PAQR3: variants seen among roughly 807,000 people sequenced by gnomAD.
The protein encoded by PAQR3 is Raf kinase trapping to Golgi.
In PAQR3, 39 loss-of-function variants were observed where a neutral mutation model predicts 41.7. The observed-to-expected ratio is 0.93, with a 90% CI of 0.72 to 1.22. PAQR3 has a LOEUF of 1.22. Ranked by LOEUF, PAQR3 falls within the 50% of genes most tolerant of loss-of-function variation. PAQR3 has a pLI of 0.00. For synonymous variants in PAQR3, 140 were observed against 140.6 expected, an observed-to-expected ratio of 1.00 and a Z score of 0.03; for missense variants, 366 against 385.6, an observed-to-expected ratio of 0.95 and a Z score of 0.42.
chr4:78,911,467 A>G (rs774071647), downstream of PAQR3: 1 of 1,614,060 alleles, frequency 6.2e-7, no homozygotes, highest in East Asian at 2.2e-5. Context: ...CAAACAGCGC[A>G]GCTTACAGAA....
chr4:78,905,631 G>A (rs570308401), intron 11 of PAQR3, among the ~76,000 whole-genome samples: 7 of 152,012 alleles, frequency 4.6e-5, no homozygotes, highest in Non-Finnish European at 8.8e-5. Flanking sequence ...TAAATATGGG[G>A]ATTATTAGGA....
intron 11 of PAQR3, among the ~76,000 whole-genome samples, chr4:78,905,269 C>T (rs1260031251): frequency 6.6e-6 from 1 of 151,864 alleles, no homozygotes; most frequent in Non-Finnish European, 1.5e-5. Flanking sequence ...CAGTAATTAA[C>T]ATGCAACTTC....
chr4:78,897,240 CAT>C (rs1376036788), intron 11 of PAQR3, among the ~76,000 whole-genome samples: 1 of 151,670 alleles, frequency 6.6e-6, no homozygotes, highest in African/African-American at 2.4e-5. Context: ...AAGAAAATAA[CAT>C]AACATCTTGG....
chr4:78,923,888 G>A lies in PAQR3; in HGVS notation c.762C>T (p.Tyr254=). Residue 254 remains tyrosine (Y), a synonymous_variant, in exon 5 of 6, where the codon TAC becomes TAT. Coordinates refer to ENST00000512733, the MANE Select transcript of PAQR3 (RefSeq NM_001040202.2). ...YMIALLAFLF[Y]ISKVPERYFP... ...AGTACCGCTCTGGGACTTTGGAAAT[G>A]TAGAATAGGAAAGCAAGAAGAGCAA... 1 of 1,613,196 alleles carries A rather than the reference G, an allele frequency of 6.2e-7. No homozygotes were observed. Among genetic ancestry groups the A allele is most frequent in the Non-Finnish European group, 8.5e-7 (1 of 1,179,302 alleles).
Position 78,912,383 on chromosome 4 carries a change from A to G in PAQR3, c.*8156T>C, listed in dbSNP as rs1176777334. The G allele has an allele frequency of 1.0e-5, 2 of 194,032 alleles. No individual in the cohort carries two copies. Among genetic ancestry groups the G allele is most frequent in the Non-Finnish European group, 2.1e-5 (2 of 95,662 alleles). The allele number at this position is 194,032 out of a possible 1,614,324, so 12.0% of individuals were successfully genotyped here. A position where few individuals can be genotyped will look rare whatever the true frequency, so the allele number is the denominator to read the frequency against. On this transcript the variant is annotated 3_prime_UTR_variant, in exon 6 of 6. Coordinates refer to ENST00000512733, the MANE Select transcript of PAQR3 (RefSeq NM_001040202.2). Reference sequence around the variant, plus strand: ...GTGAAACTGTTATTTTTGATATCAGAATGTCATTTTTATGTGCATATCCCT... The same window carrying G: ...GTGAAACTGTTATTTTTGATATCAGGATGTCATTTTTATGTGCATATCCCT...
At chr4:78,927,603 G>C (rs1270235764) in intron 3 of PAQR3, among the ~76,000 whole-genome samples, 1 of 152,246 alleles carries the variant, frequency 6.6e-6, no homozygotes, top group East Asian at 1.9e-4. Context: ...TTTTTGGCCT[G>C]AAAGGCCACA....
In PAQR3 at chr4:78,916,223, T is replaced by C. The variant is rs1039700558; in HGVS notation, c.*4316A>G. 16 of 151,986 alleles carry C rather than the reference T, an allele frequency of 1.1e-4. No homozygotes were observed. The highest frequency in any genetic ancestry group is 3.6e-4 in the African/African-American group (15 of 41,438). 9.4% of individuals were successfully genotyped at this position (151,986 alleles called of 1,614,324 possible). ...TATTACTTTATTGCCTTTACACTGC[T>C]TATTCTTTTTGACTGAATTCTGTCC... On this transcript the variant is annotated 3_prime_UTR_variant, in exon 6 of 6. Transcript: ENST00000512733.
chr4:78,900,465 A>C (rs188133754), intron 11 of PAQR3, among the ~76,000 whole-genome samples: 10 of 152,334 alleles, frequency 6.6e-5, no homozygotes, highest in African/African-American at 2.2e-4. Context: ...TGGAGAGATA[A>C]AGTCAGTAGC....
At chr4:78,921,675 A>G (rs1405492373) in intron 5 of PAQR3, 1 of 984,852 alleles carries the variant, frequency 1.0e-6, no homozygotes, top group Non-Finnish European at 1.2e-6. Context: ...TGTGTTGTGT[A>G]TACATTTTTA....
rs564447259 is a variant in PAQR3, at chr4:78,935,911, G to A, written c.186-628C>T. Among the ~76,000 whole-genome samples, 82 of 152,302 alleles carry A rather than the reference G, an allele frequency of 5.4e-4. 1 individual carries two copies. The highest frequency in any genetic ancestry group is 1.9e-3 in the African/African-American group (80 of 41,560). On this transcript the variant is annotated intron_variant, in intron 1 of 5. Coordinates refer to ENST00000512733, the MANE Select transcript of PAQR3 (RefSeq NM_001040202.2). ...CCGTGGATGTTTTAAAACTAGTCTAGTTTCCAGGTGGCATAAGTTTCTCCT... is the reference window on the plus strand; with the variant it reads ...CCGTGGATGTTTTAAAACTAGTCTAATTTCCAGGTGGCATAAGTTTCTCCT...
chr4:78,888,006 T>C (rs1355745962), intron 12 of PAQR3: 3 of 152,242 alleles, frequency 2.0e-5, no homozygotes, highest in African/African-American at 7.2e-5. Flanking sequence ...TCAGGCAAGT[T>C]ACATATGTAA....
downstream of PAQR3, chr4:78,910,558 AG>A: frequency 1.5e-6 from 2 of 1,357,394 alleles, no homozygotes; most frequent in Non-Finnish European, 2.0e-6. Context: ...TTAGTGCAAG[AG>A]GATTCTGAAA....
chr4:78,928,109 G>C (rs936497495), intron 3 of PAQR3, among the ~76,000 whole-genome samples: 1 of 152,078 alleles, frequency 6.6e-6, no homozygotes, highest in Non-Finnish European at 1.5e-5. Context: ...TAGTTTTTCT[G>C]GTAAGAGATT....
Position 78,913,593 on chromosome 4 carries a change from C to T in PAQR3, c.*6946G>A, listed in dbSNP as rs1354647788. ...TTTTATATTTTAAATTAACTCTCTT[C>T]GATCTCAAAGTATATTTTACGAGTA... On this transcript the variant is annotated 3_prime_UTR_variant, in exon 6 of 6. Coordinates refer to ENST00000512733, the MANE Select transcript of PAQR3 (RefSeq NM_001040202.2). The T allele has an allele frequency of 2.0e-5, 3 of 152,156 alleles. No individual in the cohort carries two copies. Among genetic ancestry groups the T allele is most frequent in the Non-Finnish European group, 4.4e-5 (3 of 68,000 alleles). The allele number at this position is 152,156 out of a possible 1,614,324, so 9.4% of individuals were successfully genotyped here.
intron 4 of PAQR3, among the ~76,000 whole-genome samples, chr4:78,926,097 G>A (rs545146153): frequency 9.2e-5 from 14 of 151,950 alleles, no homozygotes; most frequent in Admixed American, 3.9e-4. Flanking sequence ...CACACTCATC[G>A]GGTCCAACAA....
At chr4:78,897,223 T>TTAAGG (rs1454469501) in intron 11 of PAQR3, among the ~76,000 whole-genome samples, 1 of 151,998 alleles carries the variant, frequency 6.6e-6, no homozygotes, top group Non-Finnish European at 1.5e-5. Flanking sequence ...TTCTGGGAAC[T>TTAAGG]TACCTTAAGA....
At chr4:78,936,908 A>C in intron 1 of PAQR3, among the ~76,000 whole-genome samples, 1 of 152,060 alleles carries the variant, frequency 6.6e-6, no homozygotes, top group East Asian at 1.9e-4. Flanking sequence ...GTCACTCCTG[A>C]AAGCCAAAAG....
chr4:78,896,049 C>T (rs1278580489), intron 11 of PAQR3, among the ~76,000 whole-genome samples: 1 of 152,178 alleles, frequency 6.6e-6, no homozygotes, highest in Admixed American at 6.6e-5. Context: ...GTGAGCCATC[C>T]TGCCAAGTCC....
At position 78,935,198 on chromosome 4, in the gene PAQR3, T is replaced by A; in HGVS notation, c.271A>T (p.Met91Leu). 6.2e-7 allele frequency: 1 copy of A among 1,613,880 alleles called. No homozygotes were observed. The highest frequency in any genetic ancestry group is 8.5e-7 in the Non-Finnish European group (1 of 1,179,798). The change falls in exon 2 of 6, where the codon ATG becomes TTG. Residue 91 changes from methionine to leucine, a missense_variant. By Grantham distance (15) the Met-to-Leu change is conservative. Coordinates refer to ENST00000512733, the MANE Select transcript of PAQR3 (RefSeq NM_001040202.2). ...CTTGCTGAAGGTAACACAGATGTCA[T>A]GTCATATATTCCCAGGGTGAAGAAG... The part of the protein sequence containing the change: ...FLFFTLGIYD[M>L]TSVLPSASAS...
Sources: gnomAD v4.1 joint callset for allele counts (sites outside exome capture counted in the v4.1 genomes callset) on GRCh38, gnomAD v4.1.1 for gene constraint, MANE v1.5 for transcripts, NCBI Gene and HGNC (gene_info 2026-07-23, HGNC 2026-07-21) for gene names.